Variants in SLC22A5 observed in about 807,000 individuals in gnomAD.
The protein encoded by SLC22A5 is organic cation/carnitine transporter 2.
SLC22A5 carries 44 observed loss-of-function variants against 56.7 expected under a neutral mutation model. That is an observed-to-expected ratio of 0.78 (90% CI 0.61 to 1.00). The LOEUF is 1.00. Among genes scored for constraint, SLC22A5 ranks in the 50% least tolerant of loss-of-function variants. The pLI, the probability that SLC22A5 is intolerant of heterozygous loss-of-function variation, is 0.00. For missense variants in SLC22A5, 675 were observed against 723.0 expected (o/e 0.93, Z 0.76); for synonymous variants, 278 against 292.1 (o/e 0.95, Z 0.49).
rs1442518296 is a variant in SLC22A5, at chr5:132,384,145, A to G, written c.498-2A>G. ...TATCTGTCACTCTCCTTTTCTTCCC[A>G]GGTTTGGCCGGAAGAATGTGCTGTT... On this transcript the variant is annotated splice_acceptor_variant, in intron 2 of 9. Coordinates refer to ENST00000245407, the MANE Select transcript of SLC22A5 (RefSeq NM_003060.4). LOFTEE classifies it high-confidence loss of function. The G allele has an allele frequency of 6.2e-7, 1 of 1,614,120 alleles. No homozygotes were observed. Among genetic ancestry groups the G allele is most frequent in the Non-Finnish European group, 8.5e-7 (1 of 1,180,016 alleles).
At chr5:132,378,159 G>T in intron 1 of SLC22A5, 1 of 1,570,766 alleles carries the variant, frequency 6.4e-7, no homozygotes, top group Non-Finnish European at 8.6e-7. Flanking sequence ...TCCTCAAAAT[G>T]GAAGCAAGAC....
chr5:132,384,304 A>G lies in SLC22A5; in HGVS notation c.652+3A>G, dbSNP rs774833531. 3.1e-6 allele frequency: 5 copies of G among 1,613,770 alleles called. No homozygotes were observed. Among genetic ancestry groups the G allele is most frequent in the African/African-American group, 1.3e-5 (1 of 75,050 alleles). On this transcript the variant is annotated splice_donor_region_variant and intron_variant, in intron 3 of 9. Transcript: ENST00000245407. ...CTATGTGGCAGCATTTGTCCTGGGT[A>G]TGGCCATCAGGTTGGAGTTGAGTAC...
chr5:132,375,773 T>C (rs562686949), intron 1 of SLC22A5, among the ~76,000 whole-genome samples: 40 of 152,350 alleles, frequency 2.6e-4, no homozygotes, highest in Non-Finnish European at 5.3e-4. Flanking sequence ...CTAGGCCCTT[T>C]GCCAGAGTTG....
At chr5:132,393,367 A>T (rs1330022185) in intron 8 of SLC22A5, among the ~76,000 whole-genome samples, 3 of 152,218 alleles carry the variant, frequency 2.0e-5, no homozygotes, top group Non-Finnish European at 4.4e-5. Flanking sequence ...CAACCTTGGT[A>T]AATAAGAATA....
At chr5:132,373,858 G>A (rs1353139234) in intron 1 of SLC22A5, among the ~76,000 whole-genome samples, 2 of 151,974 alleles carry the variant, frequency 1.3e-5, no homozygotes, top group Non-Finnish European at 2.9e-5. Flanking sequence ...TGTTTCTGAG[G>A]TTGTCTGGGC....
In SLC22A5 at chr5:132,370,119, C is replaced by T. The variant is rs1461536917; in HGVS notation, c.147C>T (p.Arg49=). 1.9e-6 allele frequency: 3 copies of T among 1,611,332 alleles called. No homozygotes were observed. The Admixed American group carries it at 5.0e-5, about 27-fold the overall frequency. ...TCCTGATAGCGACCCCGGAGCACCGCTGCCGGGTGCCGGACGCCGCGAACC... is the reference window on the plus strand; with the variant it reads ...TCCTGATAGCGACCCCGGAGCACCGTTGCCGGGTGCCGGACGCCGCGAACC... ...SVFLIATPEH[R]CRVPDAANLS... is the part of the protein sequence containing the mutation. The change falls in exon 1 of 10, where the codon CGC becomes CGT. Residue 49 remains arginine (R), a synonymous_variant. Transcript: ENST00000245407.
At chr5:132,387,726 A>AC in intron 5 of SLC22A5, 1 of 170,222 alleles carries the variant, frequency 5.9e-6, no homozygotes, top group South Asian at 1.1e-4. Context: ...CCCCTACCCC[A>AC]CCCCTCCCGT....
chr5:132,383,152 C>T (rs1416583342), intron 2 of SLC22A5: 6 of 152,360 alleles, frequency 3.9e-5, no homozygotes, highest in African/African-American at 1.2e-4. Context: ...CCATGTGCCC[C>T]ATCCCAATTA....
chr5:132,385,199 C>T, intron 3 of SLC22A5, 129 bp from the exon 4 acceptor site: 1 of 877,608 alleles, frequency 1.1e-6, no homozygotes, highest in Admixed American at 1.8e-5. Flanking sequence ...CCATCCGCTC[C>T]CTAGCGCCAT....
At chr5:132,374,420 AT>A (rs1222027894) in intron 1 of SLC22A5, among the ~76,000 whole-genome samples, 8 of 152,074 alleles carry the variant, frequency 5.3e-5, no homozygotes, top group African/African-American at 1.9e-4. Flanking sequence ...CCTCACTGTT[AT>A]CCCCAAAGCT....
chr5:132,370,609 A>G (rs1385881102), intron 1 of SLC22A5, among the ~76,000 whole-genome samples: 1 of 152,100 alleles, frequency 6.6e-6, no homozygotes, highest in Middle Eastern at 3.2e-3. Flanking sequence ...CCTGATGGCC[A>G]CTTTGAAGAG....
intron 6 of SLC22A5, chr5:132,390,449 C>T: frequency 1.8e-6 from 1 of 570,072 alleles, no homozygotes; most frequent in Non-Finnish European, 3.1e-6. Context: ...TTTGCTGGGA[C>T]ACTGTCTATA....
intron 2 of SLC22A5, chr5:132,383,215 A>C (rs943232964): frequency 6.6e-6 from 1 of 152,350 alleles, no homozygotes. Flanking sequence ...CTCCTGTAAT[A>C]ATCACTTCCT....
chr5:132,370,049 G>A lies in SLC22A5; in HGVS notation c.77G>A (p.Ser26Asn), dbSNP rs772578415. 1.5e-5 allele frequency: 24 copies of A among 1,613,298 alleles called. No homozygotes were observed. The highest frequency in any genetic ancestry group is 1.9e-5 in the Non-Finnish European group (23 of 1,179,774). ...CAGCGCCTCATCTTCTTCCTGCTCA[G>A]CGCCAGCATCATCCCCAATGGCTTC... ...PFQRLIFFLL[S>N]ASIIPNGFTG... The change falls in exon 1 of 10, where the codon AGC (serine) becomes AAC (asparagine). Residue 26 changes from serine (S) to asparagine (N), a missense_variant. Transcript: ENST00000245407.
At chr5:132,382,231 A>G (rs1752369397) in intron 2 of SLC22A5, 1 of 152,146 alleles carries the variant, frequency 6.6e-6, no homozygotes, top group South Asian at 2.1e-4. Flanking sequence ...CATAGTTGCA[A>G]GACCTTGTGC....
Position 132,394,455 on chromosome 5 carries a change from C to G in SLC22A5, c.*183C>G. 1.6e-6 allele frequency: 1 copy of G among 637,830 alleles called. No individual in the cohort carries two copies. The highest frequency in any genetic ancestry group is 2.7e-5 in the East Asian group (1 of 37,058). 39.5% of individuals were successfully genotyped at this position (637,830 alleles called of 1,614,324 possible). The stretch of plus-strand genomic sequence containing the variant: ...GGCTACATATGGCCCTAGAGCACCA[C>G]CTTCCTCTAGGGACACTGGGGCTAC... On this transcript the variant is annotated 3_prime_UTR_variant, in exon 10 of 10. Transcript: ENST00000245407.
chr5:132,376,070 C>T (rs1752130010), intron 1 of SLC22A5: 1 of 152,200 alleles, frequency 6.6e-6, no homozygotes. Context: ...GCTTCTCATC[C>T]ACCTCTTCTC....
At chr5:132,386,430 T>A (rs973013051) in intron 4 of SLC22A5, among the ~76,000 whole-genome samples, 1 of 152,204 alleles carries the variant, frequency 6.6e-6, no homozygotes, top group Admixed American at 6.5e-5. Flanking sequence ...CGGGTTTCAC[T>A]GCGTTGGCCA....
chr5:132,376,023 C>T (rs1368836117), intron 1 of SLC22A5: 1 of 152,200 alleles, frequency 6.6e-6, no homozygotes. Flanking sequence ...CCTTTGTAAA[C>T]AATTTAAGTA....
Sources: allele counts gnomAD v4.1 joint callset (sites outside exome capture counted in the v4.1 genomes callset), GRCh38; gene constraint gnomAD v4.1.1; transcripts MANE v1.5; gene names NCBI Gene and HGNC (gene_info 2026-07-23, HGNC 2026-07-21).